The following TENT2 variants were observed in gnomAD, a reference collection of about 807,000 sequenced individuals.
TENT2 encodes the protein terminal nucleotidyltransferase 2, also known as poly(A) RNA polymerase GLD2.
A neutral mutation model predicts 72.2 loss-of-function variants in TENT2; 44 were observed. The observed-to-expected ratio is 0.61, with a 90% confidence interval of 0.48 to 0.78. The LOEUF (loss-of-function observed/expected upper bound fraction) is 0.78. Ranked by LOEUF, TENT2 falls within the 30% of genes least tolerant of loss-of-function variation. TENT2 has a pLI of 0.00. For missense variants in TENT2, 541 were observed against 569.6 expected (o/e 0.95, Z 0.51); for synonymous variants, 212 against 192.5 (o/e 1.10, Z -0.84).
intron 6 of TENT2, 49 bp from the exon 7 acceptor site, chr5:79,642,783 A>T: frequency 6.9e-7 from 1 of 1,451,824 alleles, no homozygotes; most frequent in Non-Finnish European, 9.5e-7. Context: ...AAAATGAAAC[A>T]TTAAACTTAG....
intron 11 of TENT2, among the ~76,000 whole-genome samples, chr5:79,665,487 A>G (rs576320453): frequency 2.0e-5 from 3 of 152,344 alleles, no homozygotes; most frequent in South Asian, 2.1e-4. Flanking sequence ...TGCCATTATT[A>G]TAGACAGTTC....
At chr5:79,670,255 T>G (rs1432495828) in intron 12 of TENT2, among the ~76,000 whole-genome samples, 1 of 151,896 alleles carries the variant, frequency 6.6e-6, no homozygotes, top group Non-Finnish European at 1.5e-5. Context: ...TCAGATAGCT[T>G]TGACACAGAA....
chr5:79,681,829 C>T (rs1822209478), intron 13 of TENT2, 153 bp from the exon 14 acceptor site: 1 of 572,916 alleles, frequency 1.7e-6, no homozygotes, highest in African/African-American at 1.9e-5. Flanking sequence ...TTTCTGTATA[C>T]ATAAATCTAA....
At chr5:79,662,837 T>C (rs1226995425) in intron 11 of TENT2, among the ~76,000 whole-genome samples, 2 of 152,160 alleles carry the variant, frequency 1.3e-5, no homozygotes, top group African/African-American at 2.4e-5. Flanking sequence ...AGTCAGCTTG[T>C]CCTTTGAAAC....
chr5:79,630,739 A>G (rs56313948), intron 4 of TENT2, among the ~76,000 whole-genome samples: 30,648 of 151,278 alleles, frequency 0.2, 4,577 homozygotes, highest in African/African-American at 0.42. Flanking sequence ...GGTAGGGGAG[A>G]TGGGAAGAGG....
In TENT2 at chr5:79,685,187, T is replaced by C; in HGVS notation, c.1381-12T>C. 3.1e-6 allele frequency: 5 copies of C among 1,589,558 alleles called. No individual in the cohort carries two copies. Among genetic ancestry groups the C allele is most frequent in the Non-Finnish European group, 4.3e-6 (5 of 1,165,736 alleles). On this transcript the variant is annotated splice_polypyrimidine_tract_variant and intron_variant, in intron 14 of 14. Transcript: ENST00000453514. ...TTTTAGGTTTTAAGAATGATTTTTC[T>C]TTCTCTCCCAGTCATGGCACAGATT...
At chr5:79,664,297 A>G (rs752430092) in intron 11 of TENT2, among the ~76,000 whole-genome samples, 9 of 152,150 alleles carry the variant, frequency 5.9e-5, no homozygotes, top group Non-Finnish European at 1.2e-4. Context: ...CTATAAATGA[A>G]TACTTTTGAA....
chr5:79,654,103 A>G (rs1431153750), intron 10 of TENT2, among the ~76,000 whole-genome samples: 1 of 152,118 alleles, frequency 6.6e-6, no homozygotes, highest in African/African-American at 2.4e-5. Context: ...CATGAGGGGG[A>G]ATTGAGAAAG....
chr5:79,616,033 T>C (rs1580139038), intron 1 of TENT2, among the ~76,000 whole-genome samples: 1 of 139,498 alleles, frequency 7.2e-6, no homozygotes. Flanking sequence ...GGATTACAGG[T>C]GTCCACCACC....
chr5:79,644,992 T>TAGAA, intron 7 of TENT2, 131 bp from the exon 8 acceptor site: 1 of 689,562 alleles, frequency 1.5e-6, no homozygotes, highest in Non-Finnish European at 2.3e-6. Context: ...TGTCCTCACT[T>TAGAA]GTATTCTTTT....
intron 8 of TENT2, among the ~76,000 whole-genome samples, chr5:79,647,771 A>G (rs1790323191): frequency 6.6e-6 from 1 of 152,202 alleles, no homozygotes. Flanking sequence ...ACATAAAGTA[A>G]TCCTTAATTT....
chr5:79,664,466 G>A (rs1005675269), intron 11 of TENT2, among the ~76,000 whole-genome samples: 3 of 152,072 alleles, frequency 2.0e-5, no homozygotes, highest in South Asian at 2.1e-4. Flanking sequence ...GTGGAGGCAC[G>A]CGCCTGTAGT....
chr5:79,640,919 A>G lies in TENT2; in HGVS notation c.534A>G (p.Glu178=), dbSNP rs188344315. ...AAATAAGTGATTTAAAGAAGAAAGA[A>G]CTCTGTCGAACACAGCTGCAGAGAG... The part of the protein sequence containing the change: ...QQQISDLKKK[E]LCRTQLQREI... The change falls in exon 5 of 15, where the codon GAA becomes GAG. Residue 178 remains glutamate (E), a synonymous_variant. Coordinates refer to ENST00000453514, the MANE Select transcript of TENT2 (RefSeq NM_001114394.3). 42 of 1,611,942 alleles carry G rather than the reference A, an allele frequency of 2.6e-5. No individual in the cohort carries two copies. In the Admixed American group the frequency reaches 7.0e-4, roughly 27 times the overall value.
At chr5:79,630,390 C>G (rs1297060864) in intron 4 of TENT2, among the ~76,000 whole-genome samples, 2 of 152,096 alleles carry the variant, frequency 1.3e-5, no homozygotes, top group Admixed American at 6.6e-5. Context: ...GTCAGGAGTT[C>G]AAGACCAACA....
chr5:79,638,239 T>A (rs774775660), intron 4 of TENT2, among the ~76,000 whole-genome samples: 2 of 152,166 alleles, frequency 1.3e-5, no homozygotes, highest in Non-Finnish European at 2.9e-5. Context: ...TGTGGTAGAG[T>A]TGTCCTCTGC....
rs745475521 is a variant in TENT2, at chr5:79,685,283, A to C, written c.*10A>C. 2 of 1,544,464 alleles carry C rather than the reference A, an allele frequency of 1.3e-6. No homozygotes were observed. Among genetic ancestry groups the C allele is most frequent in the Non-Finnish European group, 1.8e-6 (2 of 1,137,986 alleles). ...TGTCCTGAAAAGATAACTGGCCTCT[A>C]TTTCTTAATAAATTCTTCCAAGAAA... On this transcript the variant is annotated 3_prime_UTR_variant, in exon 15 of 15. Coordinates refer to ENST00000453514, the MANE Select transcript of TENT2 (RefSeq NM_001114394.3).
At chr5:79,669,688 C>G (rs1370341444) in intron 12 of TENT2, among the ~76,000 whole-genome samples, 1 of 151,800 alleles carries the variant, frequency 6.6e-6, no homozygotes, top group African/African-American at 2.4e-5. Flanking sequence ...GAGGCAGGTA[C>G]AGTTACCATT....
intron 13 of TENT2, among the ~76,000 whole-genome samples, chr5:79,680,673 T>TA (rs1188400871): frequency 6.6e-6 from 1 of 152,196 alleles, no homozygotes; most frequent in African/African-American, 2.4e-5. Context: ...CCTTTCCTCT[T>TA]ACCAACAACT....
intron 8 of TENT2, among the ~76,000 whole-genome samples, chr5:79,648,299 C>T (rs529849431): frequency 2.0e-5 from 3 of 151,834 alleles, no homozygotes; most frequent in Admixed American, 6.6e-5. Flanking sequence ...CAGAGCGAGA[C>T]TCCATCTCTT....
Sources: gnomAD v4.1 joint callset for allele counts (sites outside exome capture counted in the v4.1 genomes callset) on GRCh38, gnomAD v4.1.1 for gene constraint, MANE v1.5 for transcripts, NCBI Gene and HGNC (gene_info 2026-07-23, HGNC 2026-07-21) for gene names.